The following MACROD2 variants were observed in gnomAD, a reference collection of about 807,000 sequenced individuals.
MACROD2 encodes mono-ADP ribosylhydrolase 2.
Under a neutral mutation model 70.4 loss-of-function variants are expected in MACROD2, and 36 were observed. That is an observed-to-expected ratio of 0.51 (90% confidence interval 0.39 to 0.68). MACROD2 has a LOEUF of 0.68. Among genes scored for constraint, MACROD2 ranks in the 30% least tolerant of loss-of-function variants. The pLI is 0.00. For synonymous variants in MACROD2, 172 were observed against 178.8 expected (o/e 0.96, Z 0.30); for missense variants, 496 against 538.4 (o/e 0.92, Z 0.78).
rs144738852 is a variant in MACROD2 at position 14,889,578 on chromosome 20, C to T, written c.418+204619C>T. 4.2e-3 allele frequency among the ~76,000 whole-genome samples: 642 copies of T among 152,102 alleles called. 3 individuals carry two copies. The highest frequency in any genetic ancestry group is 6.1e-3 in the Non-Finnish European group (413 of 68,002). The stretch of plus-strand genomic sequence containing the variant: ...AGATATGCTGGGGAAAGATCCTATC[C>T]GGCATAGGAATCAGCTAAAGTGAGG... On this transcript the variant is annotated intron_variant, in intron 5 of 17. Transcript: ENST00000684519.
chr20:15,893,250 G>A (rs1434939441), intron 10 of MACROD2, among the ~76,000 whole-genome samples: 3 of 152,184 alleles, frequency 2.0e-5, no homozygotes, highest in East Asian at 3.9e-4. Flanking sequence ...TATTTTCCAT[G>A]TCTGCAAAGC....
At chr20:15,647,385 C>T (rs78241488) in intron 8 of MACROD2, among the ~76,000 whole-genome samples, 135 of 151,514 alleles carry the variant, frequency 8.9e-4, no homozygotes, top group Non-Finnish European at 1.1e-3. Flanking sequence ...GGTTCTATTA[C>T]GGCATAAACA....
intron 5 of MACROD2, among the ~76,000 whole-genome samples, chr20:14,836,747 T>A (rs1489792011): frequency 6.6e-6 from 1 of 152,204 alleles, no homozygotes; most frequent in East Asian, 1.9e-4. Context: ...GAAATCAGAC[T>A]TTTACAGCTA....
intron 3 of MACROD2, among the ~76,000 whole-genome samples, chr20:14,231,627 T>A (rs1569218035): frequency 6.6e-6 from 1 of 152,220 alleles, no homozygotes; most frequent in Non-Finnish European, 1.5e-5. Flanking sequence ...TATAGCAGCA[T>A]GATTTATAAT....
chr20:14,779,458 T>C (rs2072273134), intron 5 of MACROD2, among the ~76,000 whole-genome samples: 1 of 152,148 alleles, frequency 6.6e-6, no homozygotes, highest in Non-Finnish European at 1.5e-5. Context: ...CCTGTCATCA[T>C]GTGTAGGTCC....
chr20:14,590,679 G>A lies in MACROD2; in HGVS notation c.302-94164G>A, dbSNP rs6110343. Among the ~76,000 whole-genome samples the A allele has an allele frequency of 1.3e-3, 201 of 152,076 alleles. 1 individual carries two copies. Among genetic ancestry groups the A allele is most frequent in the African/African-American group, 4.5e-3 (186 of 41,482 alleles). On this transcript the variant is annotated intron_variant, in intron 4 of 17. Transcript: ENST00000684519. Reference sequence around the variant, plus strand: ...TATATTGAATGACCCTGCTTGCCCAGTTTTTCTCTTTTCTCTACTGTAAGC... The same window carrying A: ...TATATTGAATGACCCTGCTTGCCCAATTTTTCTCTTTTCTCTACTGTAAGC...
intron 15 of MACROD2, among the ~76,000 whole-genome samples, chr20:16,030,130 A>G (rs1301698591): frequency 1.3e-5 from 2 of 152,170 alleles, no homozygotes; most frequent in African/African-American, 4.8e-5. Context: ...TCTCATGTTG[A>G]ATTGAAGGAA....
intron 3 of MACROD2, among the ~76,000 whole-genome samples, chr20:14,216,488 G>C (rs1013601986): frequency 6.6e-6 from 1 of 151,980 alleles, no homozygotes; most frequent in African/African-American, 2.4e-5. Flanking sequence ...GGCTATGCAG[G>C]CTCTTTTTTG....
At chr20:15,854,182 G>A (rs1302414710) in intron 8 of MACROD2, among the ~76,000 whole-genome samples, 1 of 152,174 alleles carries the variant, frequency 6.6e-6, no homozygotes, top group Non-Finnish European at 1.5e-5. Context: ...AATCAGTCTG[G>A]CTAATTACAA....
At chr20:14,449,364 T>A (rs1370869486) in intron 3 of MACROD2, among the ~76,000 whole-genome samples, 1 of 152,138 alleles carries the variant, frequency 6.6e-6, no homozygotes, top group Non-Finnish European at 1.5e-5. Flanking sequence ...TAAATACTTA[T>A]TATTGTGCTT....
At chr20:15,050,298 C>G (rs1274567568) in intron 5 of MACROD2, among the ~76,000 whole-genome samples, 1 of 152,092 alleles carries the variant, frequency 6.6e-6, no homozygotes, top group Non-Finnish European at 1.5e-5. Context: ...GCACTCAATA[C>G]AGCATACCAC....
chr20:14,541,607 C>G (rs1170343466), intron 4 of MACROD2, among the ~76,000 whole-genome samples: 4 of 151,916 alleles, frequency 2.6e-5, no homozygotes, highest in Non-Finnish European at 5.9e-5. Context: ...ATCACACACA[C>G]ACACACACAC....
intron 10 of MACROD2, among the ~76,000 whole-genome samples, chr20:15,911,714 C>T (rs898531937): frequency 6.6e-6 from 1 of 152,138 alleles, no homozygotes; most frequent in Non-Finnish European, 1.5e-5. Context: ...AGAGAGAGTG[C>T]CACCTCTGTA....
Position 14,446,835 on chromosome 20 carries a change from T to G in MACROD2, c.272-46644T>G, listed in dbSNP as rs73256930. Among the ~76,000 whole-genome samples the G allele has an allele frequency of 3.0e-3, 462 of 152,196 alleles. 6 individuals carry two copies. Among genetic ancestry groups the G allele is most frequent in the African/African-American group, 0.011 (458 of 41,478 alleles). On this transcript the variant is annotated intron_variant, in intron 3 of 17. Transcript: ENST00000684519. ...GCCAAAAAAGGCAAAGAAAATAGTATAAGCAGTCTATAAACTATTATAATA... is the reference window on the plus strand; with the variant it reads ...GCCAAAAAAGGCAAAGAAAATAGTAGAAGCAGTCTATAAACTATTATAATA...
At chr20:15,012,694 A>G (rs892828344) in intron 5 of MACROD2, among the ~76,000 whole-genome samples, 1 of 152,090 alleles carries the variant, frequency 6.6e-6, no homozygotes, top group Admixed American at 6.5e-5. Flanking sequence ...TGGAAGAGAT[A>G]AAAGCCACCA....
intron 4 of MACROD2, among the ~76,000 whole-genome samples, chr20:14,679,288 G>A (rs1396435954): frequency 1.3e-5 from 2 of 152,154 alleles, no homozygotes; most frequent in Non-Finnish European, 2.9e-5. Flanking sequence ...TGAAAAATGG[G>A]AAAGACCTCG....
chr20:15,845,269 A>G (rs1448950515), intron 8 of MACROD2, among the ~76,000 whole-genome samples: 1 of 152,184 alleles, frequency 6.6e-6, no homozygotes, highest in Non-Finnish European at 1.5e-5. Context: ...GATCACCTCC[A>G]TAAAAATGTC....
intron 5 of MACROD2, among the ~76,000 whole-genome samples, chr20:15,224,209 T>C (rs1256734625): frequency 6.6e-6 from 1 of 152,080 alleles, no homozygotes; most frequent in Non-Finnish European, 1.5e-5. Context: ...CCAAAAGAAA[T>C]AATAGGATGG....
intron 3 of MACROD2, among the ~76,000 whole-genome samples, chr20:14,451,513 T>C (rs538813082): frequency 6.6e-6 from 1 of 152,136 alleles, no homozygotes; most frequent in Non-Finnish European, 1.5e-5. Flanking sequence ...TTAATCCCAC[T>C]GGGAACTCTG....
Sources: gnomAD v4.1 joint callset for allele counts (sites outside exome capture counted in the v4.1 genomes callset) on GRCh38, gnomAD v4.1.1 for gene constraint, MANE v1.5 for transcripts, NCBI Gene and HGNC (gene_info 2026-07-23, HGNC 2026-07-21) for gene names.